Variants in MIR2052HG observed in about 807,000 individuals in gnomAD.
MIR2052HG encodes the protein MIR2052 host gene.
intron 2 of MIR2052HG, among the ~76,000 whole-genome samples, chr8:74,693,888 C>T (rs145390830): frequency 6.6e-6 from 1 of 152,100 alleles, no homozygotes; most frequent in Non-Finnish European, 1.5e-5. Flanking sequence ...ACCTTGGTAG[C>T]CAAAGACAAA....
intron 2 of MIR2052HG, among the ~76,000 whole-genome samples, chr8:74,637,691 C>A (rs2128734974): frequency 1.3e-5 from 2 of 152,266 alleles, no homozygotes; most frequent in East Asian, 1.9e-4. Context: ...ACTCTCCTCC[C>A]TCCTTAGAAT....
At chr8:74,636,023 G>T (rs1337963118) in intron 2 of MIR2052HG, among the ~76,000 whole-genome samples, 3 of 152,096 alleles carry the variant, frequency 2.0e-5, no homozygotes, top group Admixed American at 1.3e-4. Flanking sequence ...TCTGTGTCAG[G>T]CCCCCTTCCT....
intron 2 of MIR2052HG, among the ~76,000 whole-genome samples, chr8:74,687,952 A>C (rs1271408115): frequency 6.6e-6 from 1 of 152,150 alleles, no homozygotes; most frequent in Non-Finnish European, 1.5e-5. Flanking sequence ...CAAATTATAC[A>C]CATCAAATGT....
At chr8:74,681,238 C>T (rs990339223) in intron 2 of MIR2052HG, among the ~76,000 whole-genome samples, 8 of 151,750 alleles carry the variant, frequency 5.3e-5, no homozygotes, top group African/African-American at 1.5e-4. Flanking sequence ...GACACAATGT[C>T]ACCAAGGCAT....
chr8:74,675,879 A>G (rs1809046145), intron 2 of MIR2052HG, among the ~76,000 whole-genome samples: 1 of 151,952 alleles, frequency 6.6e-6, no homozygotes. Flanking sequence ...ATGCTTCCTA[A>G]ATGTTATTAG....
At chr8:74,665,608 A>T (rs934405199) in intron 2 of MIR2052HG, among the ~76,000 whole-genome samples, 13 of 152,012 alleles carry the variant, frequency 8.6e-5, no homozygotes, top group African/African-American at 3.1e-4. Context: ...TTTCCTCCAC[A>T]TCTCTTTAGG....
chr8:74,622,759 G>GA (rs1442846592), intron 2 of MIR2052HG, among the ~76,000 whole-genome samples: 2 of 151,700 alleles, frequency 1.3e-5, no homozygotes, highest in Admixed American at 1.3e-4. Context: ...AGCATGCGGG[G>GA]AAAAAACGAG....
intron 1 of MIR2052HG, chr8:74,603,898 C>T: frequency 9.1e-7 from 1 of 1,103,396 alleles, no homozygotes; most frequent in African/African-American, 1.5e-5. Flanking sequence ...CTTGCAACCA[C>T]CTTTTCCAAT....
chr8:74,616,814 T>G (rs1165989880), intron 2 of MIR2052HG, among the ~76,000 whole-genome samples: 2 of 152,180 alleles, frequency 1.3e-5, no homozygotes, highest in African/African-American at 4.8e-5. Flanking sequence ...CTCTGTTTAC[T>G]CTTGATCTGA....
chr8:74,666,340 T>C (rs771291565), intron 2 of MIR2052HG, among the ~76,000 whole-genome samples: 10 of 152,250 alleles, frequency 6.6e-5, no homozygotes, highest in Non-Finnish European at 1.3e-4. Flanking sequence ...AAAGCCCTTT[T>C]CCTAACTTCA....
chr8:74,659,327 A>C (rs1263672928), intron 2 of MIR2052HG, among the ~76,000 whole-genome samples: 2 of 152,234 alleles, frequency 1.3e-5, no homozygotes, highest in Non-Finnish European at 2.9e-5. Flanking sequence ...AGTTTGAAAA[A>C]CAAGTGAAAA....
At chr8:74,715,042 C>A (rs1411271943) in intron 4 of MIR2052HG, among the ~76,000 whole-genome samples, 1 of 151,986 alleles carries the variant, frequency 6.6e-6, no homozygotes, top group Admixed American at 6.6e-5. Context: ...AGGCATAAAA[C>A]AATAAATATG....
At chr8:74,753,140 A>T (rs1380300100) in intron 5 of MIR2052HG, among the ~76,000 whole-genome samples, 2 of 152,238 alleles carry the variant, frequency 1.3e-5, no homozygotes, top group African/African-American at 4.8e-5. Context: ...AACTCAAAAC[A>T]ACATAAAGTC....
chr8:74,692,162 C>T (rs1809245690), intron 2 of MIR2052HG, among the ~76,000 whole-genome samples: 1 of 152,362 alleles, frequency 6.6e-6, no homozygotes, highest in East Asian at 1.9e-4. Flanking sequence ...GCAATCTCAG[C>T]TCAATGCAAC....
intron 2 of MIR2052HG, among the ~76,000 whole-genome samples, chr8:74,621,748 A>G (rs1254183238): frequency 7.2e-5 from 11 of 152,236 alleles, no homozygotes; most frequent in Admixed American, 7.2e-4. Flanking sequence ...CCACCGGAAC[A>G]GAATGGAGAG....
chr8:74,757,745 A>G (rs959270837), intron 5 of MIR2052HG: 2 of 152,270 alleles, frequency 1.3e-5, no homozygotes, highest in East Asian at 3.9e-4. Flanking sequence ...CATATTAAAG[A>G]GTCCTTCATT....
chr8:74,702,340 G>A (rs1436973076), intron 2 of MIR2052HG: 1 of 420,784 alleles, frequency 2.4e-6, no homozygotes, highest in Admixed American at 2.6e-5. Flanking sequence ...TGACCTTGAT[G>A]TACTTTGTAC....
intron 2 of MIR2052HG, among the ~76,000 whole-genome samples, chr8:74,615,558 G>A (rs572809511): frequency 1.3e-5 from 2 of 150,856 alleles, no homozygotes; most frequent in South Asian, 4.2e-4. Context: ...AACTAGCTCT[G>A]CATTTCAGTT....
At chr8:74,630,752 C>T (rs574330170) in intron 2 of MIR2052HG, among the ~76,000 whole-genome samples, 1 of 152,274 alleles carries the variant, frequency 6.6e-6, no homozygotes, top group East Asian at 1.9e-4. Context: ...GTTTGCTCTA[C>T]ATTAACAATT....
Sources: allele counts gnomAD v4.1 joint callset (sites outside exome capture counted in the v4.1 genomes callset), GRCh38; gene constraint gnomAD v4.1.1; transcripts MANE v1.5; gene names NCBI Gene and HGNC (gene_info 2026-07-23, HGNC 2026-07-21).